Variants in DCAF6 observed in about 807,000 individuals in gnomAD.
DCAF6 encodes the protein DDB1 and CUL4 associated factor 6, also known as DDB1- and CUL4-associated factor 6.
DCAF6 carries 54 observed loss-of-function variants against 125.1 expected under a neutral mutation model. The ratio of observed to expected loss-of-function variants is 0.43; its 90% CI spans 0.35 to 0.54. The LOEUF (loss-of-function observed/expected upper bound fraction) is 0.54. Among genes scored for constraint, DCAF6 ranks in the 20% least tolerant of loss-of-function variants. The pLI, the probability that DCAF6 is intolerant of heterozygous loss-of-function variation, is 0.01. For synonymous variants in DCAF6, 371 were observed against 390.4 expected (o/e 0.95, Z 0.58); for missense variants, 934 against 1,161.7 (o/e 0.80, Z 2.85).
intron 2 of DCAF6, among the ~76,000 whole-genome samples, chr1:167,954,391 A>G (rs1674437057): frequency 1.3e-5 from 2 of 152,174 alleles, no homozygotes; most frequent in Non-Finnish European, 2.9e-5. Context: ...ATTATATAAT[A>G]ACTTTAATTA....
intron 12 of DCAF6, among the ~76,000 whole-genome samples, chr1:168,026,068 C>A (rs1478880968): frequency 6.6e-6 from 1 of 152,124 alleles, no homozygotes; most frequent in African/African-American, 2.4e-5. Flanking sequence ...ATTTTTTAAA[C>A]TCACTGAGAT....
chr1:168,034,047 C>T (rs1687490627), intron 12 of DCAF6, among the ~76,000 whole-genome samples: 1 of 152,148 alleles, frequency 6.6e-6, no homozygotes, highest in Non-Finnish European at 1.5e-5. Flanking sequence ...ATTTTGGCTA[C>T]CAGAACTCTT....
chr1:168,065,797 C>G, intron 19 of DCAF6, 51 bp downstream of exon 19: 10 of 1,479,662 alleles, frequency 6.8e-6, no homozygotes, highest in Non-Finnish European at 9.3e-6. Context: ...TATGACTCAT[C>G]AGTCATACAA....
intron 10 of DCAF6, among the ~76,000 whole-genome samples, chr1:168,011,981 G>T (rs535175973): frequency 4.1e-4 from 59 of 145,214 alleles, no homozygotes; most frequent in African/African-American, 1.4e-3. Flanking sequence ...TCAGAAAAAA[G>T]AAAGAAAGAA....
intron 6 of DCAF6, 26 bp from the exon 7 acceptor site, chr1:167,993,200 T>C: frequency 6.4e-7 from 1 of 1,572,946 alleles, no homozygotes; most frequent in Non-Finnish European, 8.6e-7. Context: ...TTATTAATTT[T>C]AAATAACTTC....
chr1:167,901,845 G>A, the DCAF6 span: 1 of 1,614,022 alleles, frequency 6.2e-7, no homozygotes, highest in Non-Finnish European at 8.5e-7. Flanking sequence ...GACCTGCCCT[G>A]GGGATCAATC....
the DCAF6 span, among the ~76,000 whole-genome samples, chr1:167,909,797 C>A: frequency 1.3e-5 from 2 of 152,176 alleles, no homozygotes; most frequent in Admixed American, 1.3e-4. Flanking sequence ...GGCTTTTCAA[C>A]TTTTAGTCAT....
intron 13 of DCAF6, chr1:168,042,726 T>C (rs1409110156): frequency 1.4e-5 from 3 of 208,520 alleles, no homozygotes; most frequent in East Asian, 2.1e-4. Context: ...AAGGAGACAA[T>C]GTAGTTCACT....
At chr1:168,055,331 G>GT (rs554861802) in intron 17 of DCAF6, among the ~76,000 whole-genome samples, 3,006 of 31,502 alleles carry the variant, frequency 0.095, 565 homozygotes, top group Non-Finnish European at 0.11. Flanking sequence ...TCAGGCTTAA[G>GT]TTTTTTTTTT....
intron 11 of DCAF6, among the ~76,000 whole-genome samples, chr1:168,019,385 A>G (rs766128549): frequency 2.6e-4 from 39 of 152,326 alleles, no homozygotes; most frequent in Middle Eastern, 6.8e-3. Context: ...GTTGTTTGCT[A>G]CTTAAAAATG....
At chr1:168,040,448 G>T (rs1043184788) in intron 13 of DCAF6, among the ~76,000 whole-genome samples, 4 of 151,770 alleles carry the variant, frequency 2.6e-5, no homozygotes, top group African/African-American at 9.7e-5. Context: ...GTGAGAGGTG[G>T]TGGTGGCTTA....
At chr1:167,914,127 T>C in the DCAF6 span, 1 of 152,164 alleles carries the variant, frequency 6.6e-6, no homozygotes, top group African/African-American at 2.4e-5. Context: ...AAAATGACAG[T>C]TTTGTCTAAA....
chr1:167,990,872 G>C (rs1680727287), intron 5 of DCAF6, among the ~76,000 whole-genome samples: 2 of 151,654 alleles, frequency 1.3e-5, no homozygotes, highest in Admixed American at 6.6e-5. Context: ...ACTTTAATTG[G>C]TTTATAAGGA....
Position 167,939,063 on chromosome 1 carries a change from C to T in DCAF6, c.97+2055C>T, listed in dbSNP as rs116331567. On this transcript the variant is annotated intron_variant, in intron 1 of 21. Coordinates refer to ENST00000367840, the MANE Select transcript of DCAF6 (RefSeq NM_001198956.2). ...TCCTTTAAAAGTGGTTTTCTAAGTA[C>T]TTGAAAATACTTTTTGAAAGTATCG... Among the ~76,000 whole-genome samples the T allele has an allele frequency of 2.9e-3, 435 of 152,190 alleles. 2 individuals carry two copies. The highest frequency in any genetic ancestry group is 0.01 in the African/African-American group (425 of 41,532).
chr1:167,871,311 A>G, the DCAF6 span, among the ~76,000 whole-genome samples: 1 of 152,248 alleles, frequency 6.6e-6, no homozygotes, highest in Admixed American at 6.5e-5. Context: ...GAAATCATGT[A>G]CAGATTATTT....
the DCAF6 span, among the ~76,000 whole-genome samples, chr1:167,925,295 T>C: frequency 6.6e-6 from 1 of 151,664 alleles, no homozygotes; most frequent in African/African-American, 2.4e-5. Flanking sequence ...TCAATACTAT[T>C]CATACTTGTA....
intron 17 of DCAF6, among the ~76,000 whole-genome samples, chr1:168,060,938 T>C (rs559525301): frequency 5.3e-5 from 8 of 152,238 alleles, no homozygotes; most frequent in Non-Finnish European, 1.0e-4. Context: ...ATAGCTCTTA[T>C]GTCCTTTGGC....
chr1:168,043,057 G>A lies in DCAF6; in HGVS notation c.1760G>A (p.Gly587Glu). The A allele has an allele frequency of 1.9e-6, 3 of 1,612,424 alleles. No homozygotes were observed. Among genetic ancestry groups the A allele is most frequent in the Non-Finnish European group, 8.5e-7 (1 of 1,179,146 alleles). The change falls in exon 14 of 22, where the codon GGG (glycine) becomes GAG (glutamate). Residue 587 changes from glycine to glutamate, a missense_variant. Gly to Glu is a moderately conservative substitution (Grantham distance 98, BLOSUM62 -2). This residue lies in a region of DCAF6 where 559 missense variants were observed against 635.5 expected (regional missense o/e 0.88). Transcript: ENST00000367840. Reference sequence around the variant, plus strand: ...ATAGCATCAAGTTCTAGAGGAATTGGGAGCCATTGCAAATCTGAGGGTCAG... The same window carrying A: ...ATAGCATCAAGTTCTAGAGGAATTGAGAGCCATTGCAAATCTGAGGGTCAG... ...SSIASSSRGI[G>E]SHCKSEGQEE...
In DCAF6 at chr1:168,066,402, T is replaced by C. The variant is rs1457226175; in HGVS notation, c.2622T>C (p.Tyr874=). The change falls in exon 20 of 22, where the codon TAT becomes TAC. Residue 874 remains tyrosine, a synonymous_variant. Coordinates refer to ENST00000367840, the MANE Select transcript of DCAF6 (RefSeq NM_001198956.2). ...TTTTAGCCTCATCTGGCATAGATTA[T>C]GACATAAAGATCTGGTCACCATTAG... ...DPILASSGID[Y]DIKIWSPLEE... 3.7e-6 allele frequency: 6 copies of C among 1,608,284 alleles called. No individual in the cohort carries two copies. Among genetic ancestry groups the C allele is most frequent in the Non-Finnish European group, 5.1e-6 (6 of 1,176,978 alleles).
Sources: allele counts gnomAD v4.1 joint callset (sites outside exome capture counted in the v4.1 genomes callset), GRCh38; gene constraint gnomAD v4.1.1; regional missense constraint gnomAD v4.1.1; transcripts MANE v1.5; gene names NCBI Gene and HGNC (gene_info 2026-07-23, HGNC 2026-07-21).